SLC2A13: variants seen among roughly 807,000 people sequenced by gnomAD.
SLC2A13 encodes the protein solute carrier family 2 member 13.
SLC2A13 carries 32 observed loss-of-function variants against 64.4 expected under a neutral mutation model. The observed-to-expected ratio is 0.50, with a 90% confidence interval of 0.37 to 0.67. The LOEUF (loss-of-function observed/expected upper bound fraction) is 0.67. Ranked by LOEUF, SLC2A13 falls within the 30% of genes least tolerant of loss-of-function variation. The pLI is 0.00. For synonymous variants in SLC2A13, 338 were observed against 327.1 expected (o/e 1.03, Z -0.36); for missense variants, 743 against 829.2 (o/e 0.90, Z 1.28).
intron 1 of SLC2A13, among the ~76,000 whole-genome samples, chr12:40,059,539 G>C (rs1311709241): frequency 6.6e-6 from 1 of 152,096 alleles, no homozygotes; most frequent in East Asian, 1.9e-4. Flanking sequence ...TTGTTTACTG[G>C]TTTGTTCTAA....
At chr12:39,900,294 C>T (rs1228980281) in intron 4 of SLC2A13, among the ~76,000 whole-genome samples, 1 of 152,092 alleles carries the variant, frequency 6.6e-6, no homozygotes, top group Non-Finnish European at 1.5e-5. Context: ...ACAGGGATGC[C>T]CTCTCTCACC....
chr12:39,811,387 T>G (rs1048298674), intron 7 of SLC2A13, among the ~76,000 whole-genome samples: 2 of 152,106 alleles, frequency 1.3e-5, no homozygotes, highest in African/African-American at 4.8e-5. Flanking sequence ...GCTTCATAAT[T>G]GTAAGCTTAG....
chr12:39,895,092 C>A (rs1944706241), intron 4 of SLC2A13, among the ~76,000 whole-genome samples: 1 of 151,992 alleles, frequency 6.6e-6, no homozygotes, highest in Non-Finnish European at 1.5e-5. Flanking sequence ...TGGTCTTGAA[C>A]TTCTTGGCCC....
At chr12:39,944,011 C>T (rs1353531526) in intron 4 of SLC2A13, among the ~76,000 whole-genome samples, 3 of 152,164 alleles carry the variant, frequency 2.0e-5, no homozygotes, top group East Asian at 3.8e-4. Context: ...TTAGCATCAC[C>T]TTTGCTGTAA....
chr12:39,990,001 C>A (rs1947106498), intron 3 of SLC2A13, among the ~76,000 whole-genome samples: 1 of 152,144 alleles, frequency 6.6e-6, no homozygotes, highest in Non-Finnish European at 1.5e-5. Context: ...GGAGTTTTCT[C>A]TGATAGGACT....
At chr12:39,958,209 C>G (rs1445987387) in intron 3 of SLC2A13, among the ~76,000 whole-genome samples, 1 of 152,160 alleles carries the variant, frequency 6.6e-6, no homozygotes, top group African/African-American at 2.4e-5. Flanking sequence ...CTTCTTTCCA[C>G]AAAACATTGG....
intron 4 of SLC2A13, among the ~76,000 whole-genome samples, chr12:39,946,784 G>A (rs181348432): frequency 2.0e-4 from 30 of 152,316 alleles, no homozygotes; most frequent in Non-Finnish European, 3.1e-4. Flanking sequence ...AAGGCTGTCC[G>A]CCTCCCAGTT....
chr12:39,762,478 G>A (rs1023727620), intron 9 of SLC2A13, among the ~76,000 whole-genome samples: 1 of 144,856 alleles, frequency 6.9e-6, no homozygotes, highest in Admixed American at 7.0e-5. Context: ...CACATGTGCT[G>A]TATATAAAAT....
At chr12:39,842,790 C>T (rs979262331) in intron 6 of SLC2A13, among the ~76,000 whole-genome samples, 1 of 151,928 alleles carries the variant, frequency 6.6e-6, no homozygotes, top group African/African-American at 2.4e-5. Flanking sequence ...TTTTCATCAC[C>T]CCCTGGCAAC....
rs140628105 is a variant in SLC2A13, at chr12:39,991,999, C to T, written c.925+36302G>A. Among the ~76,000 whole-genome samples the T allele has an allele frequency of 5.1e-3, 777 of 152,176 alleles. 5 individuals carry two copies. The highest frequency in any genetic ancestry group is 7.5e-3 in the Non-Finnish European group (507 of 68,002). ...AAGATCTCAGTAAGATGCATGCTAC[C>T]ATTGCCCCAAAGCTGATTTACAAAG... On this transcript the variant is annotated intron_variant, in intron 3 of 9. Transcript: ENST00000280871.
Position 39,895,551 on chromosome 12 carries a change from T to TATATATACAC in SLC2A13, c.1035-23591_1035-23590insGTGTATATAT, listed in dbSNP as rs1246193316. On this transcript the variant is annotated intron_variant, in intron 4 of 9. Transcript: ENST00000280871. ...ATATATATATATATATATATATATA[T>TATATATACAC]ACACACACACACACACGTGTATATG... Among the ~76,000 whole-genome samples, 14 of 66,776 alleles carry TATATATACAC rather than the reference T, an allele frequency of 2.1e-4. 1 individual carries two copies. The highest frequency in any genetic ancestry group is 8.8e-4 in the African/African-American group (14 of 15,996). 43.8% of individuals were successfully genotyped at this position (66,776 alleles called of 152,430 possible). A position where few individuals can be genotyped will look rare whatever the true frequency, so the allele number is the denominator to read the frequency against.
intron 7 of SLC2A13, among the ~76,000 whole-genome samples, chr12:39,778,113 G>T: frequency 6.6e-6 from 1 of 152,074 alleles, no homozygotes; most frequent in East Asian, 1.9e-4. Flanking sequence ...GCAGCAGGGC[G>T]GTGAAGAAGT....
intron 7 of SLC2A13, among the ~76,000 whole-genome samples, chr12:39,786,995 TAA>T (rs10713705): frequency 5.9e-5 from 9 of 151,928 alleles, no homozygotes; most frequent in Admixed American, 5.9e-4. Flanking sequence ...TTCTTTTTTT[TAA>T]AAAAATAATA....
chr12:39,813,024 T>TTTTTTTTTTTG (rs60326584), intron 7 of SLC2A13, among the ~76,000 whole-genome samples: 1 of 134,902 alleles, frequency 7.4e-6, no homozygotes, highest in Non-Finnish European at 1.6e-5. Flanking sequence ...TTTTTTTTTT[T>TTTTTTTTTTTG]AGTAGAGATG....
chr12:39,961,304 C>A (rs1212143000), intron 3 of SLC2A13, among the ~76,000 whole-genome samples: 1 of 152,078 alleles, frequency 6.6e-6, no homozygotes, highest in Admixed American at 6.5e-5. Flanking sequence ...GTCTTGAATT[C>A]CTGACCTCAA....
intron 3 of SLC2A13, among the ~76,000 whole-genome samples, chr12:40,003,828 G>A (rs1181311707): frequency 6.6e-6 from 1 of 151,820 alleles, no homozygotes; most frequent in Non-Finnish European, 1.5e-5. Context: ...GGACACCGAA[G>A]CACAGAAAGT....
intron 1 of SLC2A13, among the ~76,000 whole-genome samples, chr12:40,104,444 CCAAA>C (rs1259989145): frequency 3.3e-5 from 5 of 152,128 alleles, no homozygotes; most frequent in Non-Finnish European, 7.4e-5. Flanking sequence ...GAAGTAAATT[CCAAA>C]CATTTATCTT....
At chr12:39,862,713 C>G (rs2135922186) in intron 6 of SLC2A13, among the ~76,000 whole-genome samples, 1 of 152,112 alleles carries the variant, frequency 6.6e-6, no homozygotes, top group South Asian at 2.1e-4. Flanking sequence ...GGTTTTTATT[C>G]TTAATTATTG....
rs1040566140 is a variant in SLC2A13 at position 39,919,667 on chromosome 12, G to C, written c.1034+31590C>G. On this transcript the variant is annotated intron_variant, in intron 4 of 9. Transcript: ENST00000280871. ...ATAAAAGGTTCAAAGGGCTTGGATG[G>C]AAACACCCCCCAAACCCACCCCAAG... 7.9e-5 allele frequency among the ~76,000 whole-genome samples: 12 copies of C among 152,088 alleles called. No individual in the cohort carries two copies. The South Asian group carries it at 2.3e-3, about 29-fold the overall frequency.
Sources: gnomAD v4.1 joint callset for allele counts (sites outside exome capture counted in the v4.1 genomes callset) on GRCh38, gnomAD v4.1.1 for gene constraint, MANE v1.5 for transcripts, NCBI Gene and HGNC (gene_info 2026-07-23, HGNC 2026-07-21) for gene names.